Variants in DCC observed in about 807,000 individuals in gnomAD.
The protein encoded by DCC is netrin receptor DCC.
Under a neutral mutation model 172.5 loss-of-function variants are expected in DCC, and 58 were observed. The ratio of observed to expected loss-of-function variants is 0.34; its 90% CI spans 0.27 to 0.42. DCC has a LOEUF of 0.42. DCC is among the 10% of genes least tolerant of loss of function. The pLI is 1.00. For synonymous variants in DCC, 709 were observed against 644.5 expected (o/e 1.10, Z -1.52); for missense variants, 1,740 against 1,791.0 (o/e 0.97, Z 0.51).
At chr18:52,743,460 GA>G (rs2036856011) in intron 1 of DCC, among the ~76,000 whole-genome samples, 2 of 151,912 alleles carry the variant, frequency 1.3e-5, no homozygotes, top group Admixed American at 6.6e-5. Flanking sequence ...TGTTGGGCTG[GA>G]AAAAAAATTT....
At chr18:53,099,935 C>CTTTTTTTTTTTTTTTTTTTT (rs1476054809) in intron 7 of DCC, among the ~76,000 whole-genome samples, 1 of 117,110 alleles carries the variant, frequency 8.5e-6, no homozygotes, top group African/African-American at 3.8e-5. Context: ...CTTTTCTTTT[C>CTTTTTTTTTTTTTTTTTTTT]TTTCTTTCTT....
At chr18:52,547,565 T>C (rs1195475955) in intron 1 of DCC, among the ~76,000 whole-genome samples, 4 of 152,152 alleles carry the variant, frequency 2.6e-5, no homozygotes, top group Admixed American at 6.6e-5. Flanking sequence ...TAAATAACTC[T>C]ATATACCATG....
At chr18:52,739,795 C>A (rs1221036180) in intron 1 of DCC, among the ~76,000 whole-genome samples, 2 of 152,176 alleles carry the variant, frequency 1.3e-5, no homozygotes, top group East Asian at 1.9e-4. Context: ...CAAGAGCTTT[C>A]TTTTGCAATT....
intron 2 of DCC, among the ~76,000 whole-genome samples, chr18:52,876,948 ACAC>A (rs1465044766): frequency 6.6e-6 from 1 of 152,208 alleles, no homozygotes; most frequent in Non-Finnish European, 1.5e-5. Context: ...AAAATAGATG[ACAC>A]CAGTTAAATT....
intron 1 of DCC, among the ~76,000 whole-genome samples, chr18:52,709,336 C>A (rs1398612426): frequency 1.3e-5 from 2 of 152,138 alleles, no homozygotes; most frequent in Admixed American, 1.3e-4. Context: ...TCCAAAATAA[C>A]CATTTGGCTT....
intron 1 of DCC, among the ~76,000 whole-genome samples, chr18:52,460,320 A>G (rs1988592710): frequency 6.6e-6 from 1 of 152,164 alleles, no homozygotes; most frequent in African/African-American, 2.4e-5. Flanking sequence ...GCTAAACCCA[A>G]TACTGCATTC....
At chr18:53,225,702 C>T (rs2056016191) in intron 12 of DCC, among the ~76,000 whole-genome samples, 1 of 152,116 alleles carries the variant, frequency 6.6e-6, no homozygotes, top group African/African-American at 2.4e-5. Flanking sequence ...TCATAATATA[C>T]ATGACATTAT....
chr18:52,475,796 A>T (rs553595087), intron 1 of DCC, among the ~76,000 whole-genome samples: 1 of 152,298 alleles, frequency 6.6e-6, no homozygotes, highest in African/African-American at 2.4e-5. Context: ...AATTTCTCAA[A>T]ACAACATTTT....
chr18:53,440,568 C>T (rs1302703514), intron 22 of DCC, among the ~76,000 whole-genome samples: 1 of 151,806 alleles, frequency 6.6e-6, no homozygotes. Context: ...ACTCTTTCCA[C>T]ACTTCTATAA....
In DCC at chr18:52,464,719, T is replaced by C. The variant is rs1022845362; in HGVS notation, c.91+123841T>C. 2.0e-5 allele frequency among the ~76,000 whole-genome samples: 3 copies of C among 151,954 alleles called. No homozygotes were observed. The East Asian group carries it at 5.8e-4, about 29-fold the overall frequency. On this transcript the variant is annotated intron_variant, in intron 1 of 28. Coordinates refer to ENST00000442544, the MANE Select transcript of DCC (RefSeq NM_005215.4). Reference sequence around the variant, plus strand: ...GCAGTGAGAAATCACAGGGAGACTTTCTGCAGGCAGTTGGTACTACCTGTT... The same window carrying C: ...GCAGTGAGAAATCACAGGGAGACTTCCTGCAGGCAGTTGGTACTACCTGTT...
chr18:52,391,545 G>A (rs1313674689), intron 1 of DCC, among the ~76,000 whole-genome samples: 1 of 152,120 alleles, frequency 6.6e-6, no homozygotes, highest in Non-Finnish European at 1.5e-5. Flanking sequence ...CTGAGATGAA[G>A]ACAGGCTATC....
intron 12 of DCC, among the ~76,000 whole-genome samples, chr18:53,283,909 A>T (rs910311759): frequency 2.5e-4 from 7 of 27,952 alleles, no homozygotes; most frequent in Non-Finnish European, 4.4e-4. Context: ...CTAGGGAGCT[A>T]AAAAACAAAC....
intron 2 of DCC, among the ~76,000 whole-genome samples, chr18:52,886,546 C>A (rs989444255): frequency 1.1e-4 from 16 of 152,280 alleles, no homozygotes; most frequent in African/African-American, 3.6e-4. Flanking sequence ...GCTAAGAGCT[C>A]CCCTTCTAAT....
chr18:52,521,582 G>T (rs1050709310), intron 1 of DCC, among the ~76,000 whole-genome samples: 2 of 152,076 alleles, frequency 1.3e-5, no homozygotes, highest in Non-Finnish European at 2.9e-5. Context: ...GTGGCAGGGT[G>T]GGGCAGGGGA....
intron 1 of DCC, among the ~76,000 whole-genome samples, chr18:52,417,213 T>C (rs1167451688): frequency 2.0e-5 from 3 of 152,348 alleles, no homozygotes; most frequent in African/African-American, 7.2e-5. Flanking sequence ...CACTCTCTTC[T>C]GGCTTGTAGA....
intron 5 of DCC, among the ~76,000 whole-genome samples, chr18:53,017,136 C>T (rs556395639): frequency 2.1e-5 from 3 of 145,500 alleles, no homozygotes; most frequent in African/African-American, 7.7e-5. Context: ...AGTGCAGTAG[C>T]GCCATCTCGG....
intron 2 of DCC, among the ~76,000 whole-genome samples, chr18:52,799,517 G>T (rs1390752667): frequency 6.6e-6 from 1 of 152,116 alleles, no homozygotes; most frequent in African/African-American, 2.4e-5. Flanking sequence ...TGAAAACCAG[G>T]TCAGTCTCAT....
intron 1 of DCC, among the ~76,000 whole-genome samples, chr18:52,576,078 G>C (rs2033403448): frequency 2.0e-5 from 3 of 152,194 alleles, no homozygotes; most frequent in Admixed American, 2.0e-4. Flanking sequence ...GGTTCTTTAA[G>C]ATTTTTGCGG....
At chr18:52,952,154 A>AT (rs140990007) in intron 5 of DCC, among the ~76,000 whole-genome samples, 20 of 152,122 alleles carry the variant, frequency 1.3e-4, no homozygotes, top group Non-Finnish European at 2.2e-4. Flanking sequence ...AATGAAATGC[A>AT]TTTTTTTCCC....
Sources: allele counts gnomAD v4.1 joint callset (sites outside exome capture counted in the v4.1 genomes callset), GRCh38; gene constraint gnomAD v4.1.1; transcripts MANE v1.5; gene names NCBI Gene and HGNC (gene_info 2026-07-23, HGNC 2026-07-21).